MICALL1: variants seen among roughly 807,000 people sequenced by gnomAD.
MICALL1 encodes the protein MICAL-like protein 1.
A neutral mutation model predicts 83.7 loss-of-function variants in MICALL1; 61 were observed. That is an observed-to-expected ratio of 0.73 (90% CI 0.59 to 0.90). MICALL1 has a LOEUF of 0.90. MICALL1 is among the 40% of genes least tolerant of loss of function. MICALL1 has a pLI of 0.00. For synonymous variants in MICALL1, 481 were observed against 473.6 expected (o/e 1.02, Z -0.20); for missense variants, 1,066 against 1,152.0 (o/e 0.93, Z 1.08).
Position 37,927,775 on chromosome 22 carries a change from C to T in MICALL1, c.1830C>T (p.Asp610=). The T allele has an allele frequency of 1.2e-6, 2 of 1,613,202 alleles. No individual in the cohort carries two copies. The highest frequency in any genetic ancestry group is 1.7e-6 in the Non-Finnish European group (2 of 1,179,726). The change falls in exon 9 of 16, where the codon GAC becomes GAT. Residue 610 remains aspartate, a synonymous_variant. Coordinates refer to ENST00000215957, the MANE Select transcript of MICALL1 (RefSeq NM_033386.4). ...CAACGCCTCTCTTGTTGGTTGGAGACAGGAGCCCGGTGCCTTCCCCTGGAA... is the reference window on the plus strand; with the variant it reads ...CAACGCCTCTCTTGTTGGTTGGAGATAGGAGCCCGGTGCCTTCCCCTGGAA... The part of the protein sequence containing the change: ...ATPTPLLLVG[D]RSPVPSPGSS...
rs1207756438 is a variant in MICALL1, at chr22:37,927,690, C to T, written c.1745C>T (p.Ala582Val). 18 of 1,614,000 alleles carry T rather than the reference C, an allele frequency of 1.1e-5. No homozygotes were observed. Among genetic ancestry groups the T allele is most frequent in the Non-Finnish European group, 1.4e-5 (17 of 1,180,018 alleles). ...EQMPQASPGLAPRTRGSSGPQ... is the reference protein window; with the variant it reads ...EQMPQASPGLVPRTRGSSGPQ... ...ATGCCTCAAGCCAGCCCTGGCCTTG[C>T]CCCCAGGACCAGGGGCAGCTCAGGT... Residue 582 changes from alanine (A) to valine (V), a missense_variant, in exon 9 of 16, where the codon GCC (alanine) becomes GTC (valine). Transcript: ENST00000215957.
At position 37,932,016 on chromosome 22, in the gene MICALL1, T is replaced by TAAGG. The variant is rs1171002383; in HGVS notation, c.2016+85_2016+88dup. 2.6e-6 allele frequency: 4 copies of TAAGG among 1,541,796 alleles called. No homozygotes were observed. Among genetic ancestry groups the TAAGG allele is most frequent in the Admixed American group, 2.0e-5 (1 of 49,494 alleles). ...CAGCTGCAGTCTTCCCCTGGGACTC[T>TAAGG]AAGGAGGCTGGCTGGCTAGGCAGTG... On this transcript the variant is annotated intron_variant, in intron 10 of 15. Transcript: ENST00000215957. This position sits in a 1 kb window ranked among gnomAD's most constrained non-coding sequence, Gnocchi z 4.4.
At chr22:37,914,512 C>G (rs146728574) in intron 3 of MICALL1, among the ~76,000 whole-genome samples, 6 of 151,554 alleles carry the variant, frequency 4.0e-5, no homozygotes, top group African/African-American at 7.3e-5. Context: ...CAGGCATGAG[C>G]CACTGCACCC....
chr22:37,918,251 A>G (rs2145898683), intron 4 of MICALL1, among the ~76,000 whole-genome samples: 1 of 152,280 alleles, frequency 6.6e-6, no homozygotes, highest in South Asian at 2.1e-4. Context: ...TGGTATACAG[A>G]TGAGGAAACT....
Position 37,933,048 on chromosome 22 carries a change from G to A in MICALL1, c.2244G>A (p.Gln748=). 6.2e-7 allele frequency: 1 copy of A among 1,614,048 alleles called. No individual in the cohort carries two copies. Among genetic ancestry groups the A allele is most frequent in the Non-Finnish European group, 8.5e-7 (1 of 1,180,006 alleles). ...RESELIYVFK[Q]QNLEQRQADV... is the part of the protein sequence containing the mutation. ...TTATTCCCACCCCTAGCTTCAAGCA[G>A]CAGAACCTGGAGCAGCGCCAGGCTG... The change falls in exon 13 of 16, where the codon CAG becomes CAA. Residue 748 remains glutamine (Q), a synonymous_variant. Coordinates refer to ENST00000215957, the MANE Select transcript of MICALL1 (RefSeq NM_033386.4).
intron 15 of MICALL1, among the ~76,000 whole-genome samples, chr22:37,939,384 C>T (rs903602786): frequency 2.6e-4 from 39 of 152,154 alleles, no homozygotes; most frequent in African/African-American, 9.4e-4. Flanking sequence ...AAATTAGGGG[C>T]TCAGACAGAT....
chr22:37,916,499 C>G (rs1191367379), intron 3 of MICALL1, among the ~76,000 whole-genome samples: 3 of 152,198 alleles, frequency 2.0e-5, no homozygotes, highest in African/African-American at 7.2e-5. Flanking sequence ...TGGTCCTGTA[C>G]TGTACTTTCT....
At chr22:37,919,006 T>C in intron 4 of MICALL1, 30 bp from the exon 5 acceptor site, 1 of 1,525,306 alleles carries the variant, frequency 6.6e-7, no homozygotes, top group Non-Finnish European at 8.9e-7. Flanking sequence ...CATGTCCTGC[T>C]CCCAACCTCC....
At chr22:37,909,432 C>T (rs1928176455) in intron 1 of MICALL1, among the ~76,000 whole-genome samples, 1 of 151,312 alleles carries the variant, frequency 6.6e-6, no homozygotes, top group South Asian at 2.1e-4. Flanking sequence ...GATCTCTGCT[C>T]ACTGCAAGCT....
In MICALL1 at chr22:37,931,928, C is replaced by T. The variant is rs766639546; in HGVS notation, c.2011C>T (p.Arg671Cys). The change falls in exon 10 of 16, where the codon CGC (arginine) becomes TGC (cysteine). Residue 671 changes from arginine to cysteine, a missense_variant. Coordinates refer to ENST00000215957, the MANE Select transcript of MICALL1 (RefSeq NM_033386.4). ...APGHGFPLIK[R>C]KVQADQYIPE... is the part of the protein sequence containing the mutation. ...TGGACACGGCTTTCCACTCATCAAA[C>T]GCAAGGTACCAGCTGGGAGCCCCCC... is the stretch of plus-strand genomic sequence containing the variant. 1.2e-5 allele frequency: 19 copies of T among 1,613,900 alleles called. No individual in the cohort carries two copies. Among genetic ancestry groups the T allele is most frequent in the Admixed American group, 3.3e-5 (2 of 59,992 alleles).
intron 5 of MICALL1, 151 bp downstream of exon 5, chr22:37,919,329 T>C: frequency 9.6e-7 from 1 of 1,042,842 alleles, no homozygotes; most frequent in Non-Finnish European, 1.3e-6. Context: ...CAAGGCTTAG[T>C]GAGGGGAAAA....
chr22:37,911,106 G>C (rs543310151), intron 1 of MICALL1, among the ~76,000 whole-genome samples: 3 of 144,576 alleles, frequency 2.1e-5, no homozygotes, highest in African/African-American at 8.4e-5. Flanking sequence ...GATAAATAAA[G>C]CCTGCAGGCC....
rs543833151 is a variant in MICALL1 at position 37,921,980 on chromosome 22, G to A, written c.578G>A (p.Arg193Gln). 31 of 1,569,142 alleles carry A rather than the reference G, an allele frequency of 2.0e-5. No homozygotes were observed. The highest frequency in any genetic ancestry group is 3.4e-4 in the Middle Eastern group (2 of 5,852). ...GTCCTGTCCCCTGCCAGGTGTCGGC[G>A]GTGCTCCAGCACCCTGCTCCCTGGG... is the stretch of plus-strand genomic sequence containing the variant. ...LYHRHCFRCRRCSSTLLPGAY... is the reference protein window; with the variant it reads ...LYHRHCFRCRQCSSTLLPGAY... The change falls in exon 6 of 16, where the codon CGG (arginine) becomes CAG (glutamine). Residue 193 changes from arginine (R) to glutamine (Q), a missense_variant. Physicochemically the swap from Arg to Gln is conservative, Grantham distance 43 (BLOSUM62 1). Transcript: ENST00000215957.
chr22:37,906,557 G>T lies in MICALL1; in HGVS notation c.135G>T (p.Arg45=). 8.5e-7 allele frequency: 1 copy of T among 1,182,202 alleles called. No individual in the cohort carries two copies. 73.2% of individuals were successfully genotyped at this position (1,182,202 alleles called of 1,614,324 possible). Residue 45 remains arginine, a synonymous_variant, in exon 1 of 16, where the codon CGG becomes CGT. Coordinates refer to ENST00000215957, the MANE Select transcript of MICALL1 (RefSeq NM_033386.4). This position sits in a 1 kb window ranked among gnomAD's most constrained non-coding sequence, Gnocchi z 4.4. ...TCTGCGCCATCCTGCACCGGCACCG[G>T]CCCGACCTGCTGTGAGTGCGGGGCC... ...LAFCAILHRH[R]PDLLDFDSLS...
At chr22:37,935,137 T>C (rs1453963701) in intron 13 of MICALL1, among the ~76,000 whole-genome samples, 1 of 150,038 alleles carries the variant, frequency 6.7e-6, no homozygotes, top group Non-Finnish European at 1.5e-5. Flanking sequence ...TTTCACCATG[T>C]TAGCCAGGAT....
chr22:37,911,641 A>C (rs1168643633), intron 1 of MICALL1, among the ~76,000 whole-genome samples: 1 of 152,184 alleles, frequency 6.6e-6, no homozygotes, highest in East Asian at 1.9e-4. Context: ...AGAGAGGCAA[A>C]GGATCTTAAG....
At chr22:37,937,371 G>T (rs1930189172) in intron 14 of MICALL1, among the ~76,000 whole-genome samples, 177 bp downstream of exon 14, 1 of 151,482 alleles carries the variant, frequency 6.6e-6, no homozygotes, top group Non-Finnish European at 1.5e-5. Flanking sequence ...TGTGTGGACA[G>T]AGAGGGCATC....
chr22:37,912,308 C>G (rs1170438814), intron 2 of MICALL1, 43 bp from the exon 3 acceptor site: 1 of 1,569,648 alleles, frequency 6.4e-7, no homozygotes, highest in South Asian at 1.2e-5. Flanking sequence ...TCCTCCTCTT[C>G]CTGCTTCGGC....
chr22:37,939,773 C>CAAA (rs147934175), intron 15 of MICALL1, among the ~76,000 whole-genome samples: 72 of 44,308 alleles, frequency 1.6e-3, no homozygotes, highest in Admixed American at 2.6e-3. Context: ...GTCTCCGTCT[C>CAAA]AAAAAAAAAA....
Sources: gnomAD v4.1 joint callset for allele counts (sites outside exome capture counted in the v4.1 genomes callset) on GRCh38, gnomAD v4.1.1 for gene constraint, Gnocchi (gnomAD v3.1) non-coding constraint, MANE v1.5 for transcripts, NCBI Gene and HGNC (gene_info 2026-07-23, HGNC 2026-07-21) for gene names.